Variants in MRPL1 observed in about 807,000 individuals in gnomAD.
The protein encoded by MRPL1 is mitochondrial ribosomal protein L1, also known as large ribosomal subunit protein uL1m.
MRPL1 carries 28 observed loss-of-function variants against 38.0 expected under a neutral mutation model. That is an observed-to-expected ratio of 0.74 (90% confidence interval 0.55 to 1.01). The LOEUF is 1.01. Ranked by LOEUF, MRPL1 falls within the 50% of genes least tolerant of loss-of-function variation. The probability of loss-of-function intolerance (pLI) is 0.00; values close to 1 mark genes in which losing one functional copy is unlikely to be tolerated. For synonymous variants in MRPL1, 123 were observed against 126.7 expected, an observed-to-expected ratio of 0.97 and a Z score of 0.20; for missense variants, 358 against 389.8, an observed-to-expected ratio of 0.92 and a Z score of 0.69.
intron 1 of MRPL1, among the ~76,000 whole-genome samples, chr4:77,867,432 TGTGCTAG>T (rs1329637708): frequency 6.6e-6 from 1 of 152,272 alleles, no homozygotes; most frequent in African/African-American, 2.4e-5. Context: ...TGACAAACAC[TGTGCTAG>T]GTGCTAGGTA....
intron 7 of MRPL1, among the ~76,000 whole-genome samples, chr4:77,940,718 A>T (rs769654438): frequency 2.0e-5 from 3 of 152,256 alleles, no homozygotes; most frequent in African/African-American, 7.2e-5. Context: ...GGTGTGTCCC[A>T]TCTATGCTGA....
chr4:77,903,803 G>A (rs1249601344), intron 6 of MRPL1, among the ~76,000 whole-genome samples: 1 of 152,002 alleles, frequency 6.6e-6, no homozygotes, highest in Non-Finnish European at 1.5e-5. Context: ...CATAGTAGTG[G>A]ATTTGAAAGC....
chr4:77,906,941 A>G (rs1736172325), intron 6 of MRPL1: 7 of 984,236 alleles, frequency 7.1e-6, no homozygotes, highest in Non-Finnish European at 6.0e-6. Flanking sequence ...TTATCTCCCA[A>G]TTAGATTTTA....
chr4:77,885,231 T>G (rs1352987738), intron 3 of MRPL1, 25 bp from the exon 4 acceptor site: 1 of 1,538,290 alleles, frequency 6.5e-7, no homozygotes, highest in East Asian at 2.2e-5. Flanking sequence ...CTTTACGTAA[T>G]TATTTTTCCT....
intron 2 of MRPL1, among the ~76,000 whole-genome samples, chr4:77,882,196 G>A (rs1735557091): frequency 6.6e-6 from 1 of 152,182 alleles, no homozygotes; most frequent in East Asian, 1.9e-4. Flanking sequence ...TGCCAACTCT[G>A]CTCTAGTCAT....
At chr4:77,871,945 C>T in intron 2 of MRPL1, 90 bp downstream of exon 2, 1 of 820,286 alleles carries the variant, frequency 1.2e-6, no homozygotes, top group Non-Finnish European at 2.0e-6. Flanking sequence ...TTTACCAGGA[C>T]ATATAGTTGT....
At chr4:77,931,485 A>G (rs913445147) in intron 7 of MRPL1, among the ~76,000 whole-genome samples, 1 of 152,246 alleles carries the variant, frequency 6.6e-6, no homozygotes, top group Non-Finnish European at 1.5e-5. Context: ...GAGAGGATTA[A>G]TGAATCACTG....
intron 6 of MRPL1, among the ~76,000 whole-genome samples, chr4:77,898,915 C>A (rs752825566): frequency 1.3e-5 from 2 of 151,360 alleles, no homozygotes; most frequent in African/African-American, 4.9e-5. Context: ...AAAGTTCTTG[C>A]GGTCATAGAA....
At chr4:77,866,748 CCT>C (rs1560457415) in intron 1 of MRPL1, among the ~76,000 whole-genome samples, 7 of 150,220 alleles carry the variant, frequency 4.7e-5, no homozygotes, top group Non-Finnish European at 3.0e-5. Context: ...ATATCACCCC[CCT>C]TTTTTTTTTT....
intron 6 of MRPL1, chr4:77,908,272 GC>G: frequency 6.6e-6 from 1 of 152,028 alleles, no homozygotes. Context: ...TCACTCTGCT[GC>G]CCAGGCTGGA....
intron 7 of MRPL1, among the ~76,000 whole-genome samples, chr4:77,938,867 AACC>A (rs1560475285): frequency 6.6e-6 from 1 of 152,176 alleles, no homozygotes; most frequent in Non-Finnish European, 1.5e-5. Context: ...TTGAGTTCGT[AACC>A]CTGGACCTAG....
chr4:77,893,239 C>T (rs1184103170), intron 5 of MRPL1, among the ~76,000 whole-genome samples: 1 of 152,154 alleles, frequency 6.6e-6, no homozygotes, highest in Non-Finnish European at 1.5e-5. Context: ...ACCTCAGCCT[C>T]CCGGTTACCT....
Position 77,883,507 on chromosome 4 carries a change from A to G in MRPL1, c.402+7A>G, listed in dbSNP as rs774991214. ...TATGGCACTGGGAAAGAAGGTATGT[A>G]GAGTCCATTAAAATAAGTTTACCTG... On this transcript the variant is annotated splice_region_variant and intron_variant, in intron 3 of 8. Transcript: ENST00000315567. 11 of 1,587,010 alleles carry G rather than the reference A, an allele frequency of 6.9e-6. No individual in the cohort carries two copies. In the African/African-American group the frequency reaches 1.5e-4, roughly 22 times the overall value.
intron 7 of MRPL1, among the ~76,000 whole-genome samples, chr4:77,938,859 G>C (rs756487684): frequency 5.9e-5 from 9 of 152,182 alleles, no homozygotes; most frequent in Non-Finnish European, 1.2e-4. Context: ...GTAGGCATTT[G>C]AGTTCGTAAC....
At chr4:77,888,854 C>T (rs1262505682) in intron 5 of MRPL1, among the ~76,000 whole-genome samples, 1 of 151,970 alleles carries the variant, frequency 6.6e-6, no homozygotes. Context: ...TAATGCTATC[C>T]CTCCCCCGTC....
In MRPL1 at chr4:77,908,245, T is replaced by A. The variant is rs61662101; in HGVS notation, c.671-1021T>A. On this transcript the variant is annotated intron_variant, in intron 6 of 8. Transcript: ENST00000315567. ...ATTCCAAGACCGTACTGTTATTATT[T>A]TTTTTTTTTGACAGTCTCACTCTGC... 258 of 169,668 alleles carry A rather than the reference T, an allele frequency of 1.5e-3. 2 individuals carry two copies. The highest frequency in any genetic ancestry group is 0.012 in the East Asian group (63 of 5,292). The allele number at this position is 169,668 out of a possible 1,614,324, so 10.5% of individuals were successfully genotyped here. A position where few individuals can be genotyped will look rare whatever the true frequency, so the allele number is the denominator to read the frequency against.
intron 1 of MRPL1, among the ~76,000 whole-genome samples, chr4:77,870,253 C>A (rs1030001778): frequency 6.6e-6 from 1 of 152,058 alleles, no homozygotes; most frequent in Admixed American, 6.6e-5. Flanking sequence ...TTGTTTGTTT[C>A]CCCAAGAGAA....
At chr4:77,866,387 G>C (rs1264836853) in intron 1 of MRPL1, among the ~76,000 whole-genome samples, 3 of 152,042 alleles carry the variant, frequency 2.0e-5, no homozygotes, top group African/African-American at 7.2e-5. Flanking sequence ...TAATACTTTG[G>C]GGTATTAGTG....
At chr4:77,883,107 G>A (rs956970155) in intron 2 of MRPL1, 135 bp from the exon 3 acceptor site, 1 of 593,944 alleles carries the variant, frequency 1.7e-6, no homozygotes, top group Non-Finnish European at 2.7e-6. Context: ...TAGAAAAACT[G>A]TAAAGCAGTC....
Sources: gnomAD v4.1 joint callset for allele counts (sites outside exome capture counted in the v4.1 genomes callset) on GRCh38, gnomAD v4.1.1 for gene constraint, MANE v1.5 for transcripts, NCBI Gene and HGNC (gene_info 2026-07-23, HGNC 2026-07-21) for gene names.